Variants in SHISA9 observed in about 807,000 individuals in gnomAD.
SHISA9 encodes the protein shisa family member 9, also known as protein shisa-9.
A neutral mutation model predicts 38.0 loss-of-function variants in SHISA9; 13 were observed. The observed-to-expected ratio is 0.34, with a 90% confidence interval of 0.22 to 0.54. The LOEUF (loss-of-function observed/expected upper bound fraction) is 0.54, where lower values mean the gene tolerates loss of function less well. SHISA9 is among the 20% of genes least tolerant of loss of function. The pLI, the probability that SHISA9 is intolerant of heterozygous loss-of-function variation, is 0.91. For synonymous variants in SHISA9, 275 were observed against 242.0 expected, an observed-to-expected ratio of 1.14 and a Z score of -1.27; for missense variants, 538 against 575.8, an observed-to-expected ratio of 0.93 and a Z score of 0.67.
At chr16:13,351,312 C>A in the SHISA9 span, among the ~76,000 whole-genome samples, 1 of 152,184 alleles carries the variant, frequency 6.6e-6, no homozygotes, top group African/African-American at 2.4e-5. Context: ...AAGCAAATGG[C>A]AGCTGCTCCC....
At chr16:13,379,273 G>C in the SHISA9 span, among the ~76,000 whole-genome samples, 1 of 152,216 alleles carries the variant, frequency 6.6e-6, no homozygotes, top group Non-Finnish European at 1.5e-5. Flanking sequence ...ATTTTGGAAG[G>C]AAGTGGGAAA....
At chr16:13,060,012 A>G (rs181954357) in intron 2 of SHISA9, among the ~76,000 whole-genome samples, 8 of 152,262 alleles carry the variant, frequency 5.3e-5, no homozygotes, top group African/African-American at 1.2e-4. Context: ...TAGCAAACAA[A>G]TACAGGCAGT....
the SHISA9 span, among the ~76,000 whole-genome samples, chr16:13,318,075 G>C: frequency 5.3e-5 from 8 of 151,296 alleles, no homozygotes; most frequent in African/African-American, 1.9e-4. Context: ...TATGCAAGGA[G>C]ATAAGGTCTG....
chr16:12,909,618 C>T (rs2071152915), intron 1 of SHISA9: 2 of 984,990 alleles, frequency 2.0e-6, no homozygotes, highest in Non-Finnish European at 2.4e-6. Context: ...GTGGCTGGTC[C>T]CTCCTCATCA....
the SHISA9 span, among the ~76,000 whole-genome samples, chr16:13,468,420 C>T: frequency 6.6e-6 from 1 of 152,142 alleles, no homozygotes; most frequent in African/African-American, 2.4e-5. Flanking sequence ...ATGTTTATAT[C>T]CAATAACCAC....
chr16:13,464,823 AC>A, the SHISA9 span, among the ~76,000 whole-genome samples: 2 of 143,088 alleles, frequency 1.4e-5, no homozygotes, highest in African/African-American at 2.6e-5. Flanking sequence ...TTCTATGCCC[AC>A]CCCCACCCCC....
Position 13,239,969 on chromosome 16 carries a change from A to G in SHISA9, c.*4560A>G, listed in dbSNP as rs2051421703. ...AAGACAAGGACGCTATAGCTAGGGT[A>G]GTGAGACCTAGAAGAGAGAAACCAG... On this transcript the variant is annotated 3_prime_UTR_variant, in exon 5 of 5. Transcript: ENST00000558583. The G allele has an allele frequency of 6.6e-6, 1 of 152,254 alleles. No individual in the cohort carries two copies. Among genetic ancestry groups the G allele is most frequent in the African/African-American group, 2.4e-5 (1 of 41,464 alleles). The allele number at this position is 152,254 out of a possible 1,614,324, so 9.4% of individuals were successfully genotyped here. A position where few individuals can be genotyped will look rare whatever the true frequency, so the allele number is the denominator to read the frequency against.
At chr16:12,908,023 T>C (rs2071126185) in intron 1 of SHISA9, among the ~76,000 whole-genome samples, 2 of 152,214 alleles carry the variant, frequency 1.3e-5, no homozygotes, top group Non-Finnish European at 2.9e-5. Context: ...TTAATAGCTG[T>C]GTGACCTTGG....
At chr16:13,499,728 C>T in the SHISA9 span, among the ~76,000 whole-genome samples, 1 of 152,126 alleles carries the variant, frequency 6.6e-6, no homozygotes, top group African/African-American at 2.4e-5. Flanking sequence ...TTGATTTGGG[C>T]CCAGGGCACT....
intron 2 of SHISA9, among the ~76,000 whole-genome samples, chr16:13,092,789 C>T (rs534369336): frequency 2.0e-4 from 30 of 152,222 alleles, no homozygotes; most frequent in East Asian, 5.8e-4. Context: ...GGTGAGGTGA[C>T]GCTCCGCCCT....
chr16:13,019,889 T>G, intron 2 of SHISA9, among the ~76,000 whole-genome samples: 1 of 11,402 alleles, frequency 8.8e-5, no homozygotes, highest in Admixed American at 8.5e-4. Context: ...CCTCCCTTCT[T>G]TCTTTCTTTC....
At chr16:12,935,677 A>T (rs2071521459) in intron 2 of SHISA9, among the ~76,000 whole-genome samples, 1 of 152,012 alleles carries the variant, frequency 6.6e-6, no homozygotes, top group African/African-American at 2.4e-5. Flanking sequence ...GTGAAACCCC[A>T]TCTGTACAAA....
intron 2 of SHISA9, among the ~76,000 whole-genome samples, chr16:13,175,364 C>T (rs1451801374): frequency 6.6e-6 from 1 of 152,016 alleles, no homozygotes; most frequent in Non-Finnish European, 1.5e-5. Flanking sequence ...GACTCCCTCT[C>T]CAAAATAAAT....
chr16:13,232,403 G>C (rs940187733), intron 4 of SHISA9, among the ~76,000 whole-genome samples: 1 of 152,074 alleles, frequency 6.6e-6, no homozygotes, highest in African/African-American at 2.4e-5. Context: ...TAACCTGCAC[G>C]TTCTGCACAT....
the SHISA9 span, among the ~76,000 whole-genome samples, chr16:13,387,647 G>A: frequency 6.6e-5 from 10 of 152,006 alleles, no homozygotes; most frequent in Admixed American, 5.2e-4. Flanking sequence ...GTGCCACCAC[G>A]CCTGGCTAAT....
At chr16:13,469,320 G>GAGAGAGAGAAAGAA in the SHISA9 span, among the ~76,000 whole-genome samples, 194 of 61,518 alleles carry the variant, frequency 3.2e-3, 6 homozygotes, top group Non-Finnish European at 4.2e-3. Context: ...GAGAGAGAGA[G>GAGAGAGAGAAAGAA]AGAAAGAAAG....
chr16:13,206,031 C>G (rs1300339687), intron 3 of SHISA9, among the ~76,000 whole-genome samples: 2 of 151,648 alleles, frequency 1.3e-5, no homozygotes, highest in South Asian at 2.1e-4. Flanking sequence ...TCCCAAAGTG[C>G]TGAGATTACA....
At chr16:13,311,048 T>G in the SHISA9 span, among the ~76,000 whole-genome samples, 1 of 152,224 alleles carries the variant, frequency 6.6e-6, no homozygotes, top group East Asian at 1.9e-4. Flanking sequence ...TTTCAGGTTG[T>G]AAGCAGGAGT....
At chr16:13,329,170 C>G in the SHISA9 span, among the ~76,000 whole-genome samples, 1 of 152,140 alleles carries the variant, frequency 6.6e-6, no homozygotes, top group African/African-American at 2.4e-5. Flanking sequence ...CTTCCCTGCT[C>G]GCTAAGTAAA....
Sources: allele counts gnomAD v4.1 joint callset (sites outside exome capture counted in the v4.1 genomes callset), GRCh38; gene constraint gnomAD v4.1.1; transcripts MANE v1.5; gene names NCBI Gene and HGNC (gene_info 2026-07-23, HGNC 2026-07-21).